The following MMEL1 variants were observed in gnomAD, a reference collection of about 807,000 sequenced individuals.
MMEL1 encodes the protein membrane metallo-endopeptidase-like 1.
In MMEL1, 98 loss-of-function variants were observed where a neutral mutation model predicts 117.1. That is an observed-to-expected ratio of 0.84 (90% confidence interval 0.71 to 0.99). The LOEUF is 0.99. Among genes scored for constraint, MMEL1 ranks in the 50% least tolerant of loss-of-function variants. MMEL1 has a pLI of 0.00. For missense variants in MMEL1, 1,014 were observed against 1,049.1 expected (o/e 0.97, Z 0.46); for synonymous variants, 390 against 415.1 (o/e 0.94, Z 0.74).
intron 6 of MMEL1, 120 bp downstream of exon 6, chr1:2,609,219 C>G: frequency 1.0e-6 from 1 of 966,784 alleles, no homozygotes; most frequent in South Asian, 1.5e-5. Flanking sequence ...GGCATGAGTC[C>G]TAAAGGCACC....
chr1:2,597,633 T>C (rs1418734347), intron 13 of MMEL1, among the ~76,000 whole-genome samples: 2 of 152,046 alleles, frequency 1.3e-5, no homozygotes, highest in African/African-American at 4.8e-5. Context: ...AGAATCCCCC[T>C]AGGGCCTCCC....
In MMEL1 at chr1:2,612,325, G is replaced by C; in HGVS notation, c.155-121C>G. 1 of 769,544 alleles carries C rather than the reference G, an allele frequency of 1.3e-6. No individual in the cohort carries two copies. The highest frequency in any genetic ancestry group is 1.6e-5 in the South Asian group (1 of 60,894). 47.7% of individuals were successfully genotyped at this position (769,544 alleles called of 1,614,324 possible). A position where few individuals can be genotyped will look rare whatever the true frequency, so the allele number is the denominator to read the frequency against. The stretch of plus-strand genomic sequence containing the variant: ...TGCTGGGTGCTGCAGCCCTACCCCT[G>C]TAGTGAGGGCTGGTCCCCAGGGCAG... On this transcript the variant is annotated intron_variant, in intron 2 of 23. Coordinates refer to ENST00000378412, the MANE Select transcript of MMEL1 (RefSeq NM_033467.4). The surrounding 1 kb of genome is among the most constrained non-coding windows in gnomAD (Gnocchi z 5.4).
At chr1:2,594,604 G>A (rs1301196467) in intron 17 of MMEL1, among the ~76,000 whole-genome samples, 161 bp from the exon 18 acceptor site, 3 of 152,180 alleles carry the variant, frequency 2.0e-5, no homozygotes, top group African/African-American at 7.2e-5. Context: ...AGGAGGAGGC[G>A]ACTTGGGCCC....
At chr1:2,621,821 C>T (rs1459126736) in intron 2 of MMEL1, among the ~76,000 whole-genome samples, 4 of 152,140 alleles carry the variant, frequency 2.6e-5, no homozygotes, top group Admixed American at 6.5e-5. Flanking sequence ...CTTGGCCTCC[C>T]GAAGTGCTGG....
rs1041032477 is a variant in MMEL1 at position 2,606,890 on chromosome 1, C to T, written c.631+84G>A. On this transcript the variant is annotated intron_variant, in intron 7 of 23. Transcript: ENST00000378412. ...CAGCTGGGGGTGGGGGTGGGGTCCC[C>T]TCCTGGAAGGCCTCAGACCGAAGGA... 4.6e-6 allele frequency: 6 copies of T among 1,303,026 alleles called. No homozygotes were observed. In the African/African-American group the frequency reaches 8.7e-5, roughly 19 times the overall value. 80.7% of individuals were successfully genotyped at this position (1,303,026 alleles called of 1,614,324 possible). A position where few individuals can be genotyped will look rare whatever the true frequency, so the allele number is the denominator to read the frequency against.
intron 2 of MMEL1, among the ~76,000 whole-genome samples, chr1:2,614,986 G>A (rs1023608566): frequency 3.9e-5 from 6 of 152,084 alleles, no homozygotes; most frequent in Non-Finnish European, 5.9e-5. Context: ...AATGGCCAGA[G>A]TTAGAACAAT....
At chr1:2,624,497 A>G (rs1645339177) in intron 2 of MMEL1, among the ~76,000 whole-genome samples, 1 of 152,246 alleles carries the variant, frequency 6.6e-6, no homozygotes, top group African/African-American at 2.4e-5. Context: ...CCATTTCAAA[A>G]AGACTCATAT....
chr1:2,600,862 A>G (rs558948469), intron 11 of MMEL1, among the ~76,000 whole-genome samples: 287 of 152,366 alleles, frequency 1.9e-3, no homozygotes, highest in Admixed American at 4.2e-3. Context: ...AAATGATTCT[A>G]TTTATAGTAG....
intron 11 of MMEL1, among the ~76,000 whole-genome samples, chr1:2,600,717 C>A: frequency 1.0e-5 from 1 of 95,280 alleles, no homozygotes; most frequent in South Asian, 3.0e-4. Context: ...AAACCCAACC[C>A]CCCTGTTTTT....
At chr1:2,605,648 T>C (rs1645011747) in intron 8 of MMEL1, 25 bp from the exon 9 acceptor site, 2 of 1,599,270 alleles carry the variant, frequency 1.3e-6, no homozygotes, top group Admixed American at 1.7e-5. Context: ...GGTGTGACCC[T>C]GGGCAAGGGG....
intron 11 of MMEL1, among the ~76,000 whole-genome samples, chr1:2,602,876 GCCCCCTTTCTGGCTTTCTGA>G (rs1420332158): frequency 0.015 from 2,345 of 152,268 alleles, 54 homozygotes; most frequent in African/African-American, 0.053. Context: ...AGCTCATCCT[GCCCCCTTTCTGGCTTTCTGA>G]CACGTTTTAG....
chr1:2,629,699 A>C, intron 1 of MMEL1, 178 bp from the exon 2 acceptor site: 2 of 523,498 alleles, frequency 3.8e-6, no homozygotes, highest in African/African-American at 2.0e-5. Flanking sequence ...TTTCCACACT[A>C]CCCCTGGGCC....
chr1:2,601,944 G>C (rs1644939014), intron 11 of MMEL1, among the ~76,000 whole-genome samples: 1 of 151,784 alleles, frequency 6.6e-6, no homozygotes, highest in South Asian at 2.1e-4. Context: ...GCACATCCCT[G>C]GATAATTCTG....
intron 8 of MMEL1, 71 bp downstream of exon 8, chr1:2,606,177 T>C (rs1645023422): frequency 6.4e-6 from 8 of 1,252,326 alleles, no homozygotes; most frequent in Middle Eastern, 1.9e-4. Flanking sequence ...CCCATCCTTC[T>C]GCTGTGCTGC....
rs979129349 is a variant in MMEL1, at chr1:2,609,046, C to T, written c.535+293G>A. ...CATATCCATATAATACACACACACA[C>T]ACACACACACACACACACACACACA... is the stretch of plus-strand genomic sequence containing the variant. On this transcript the variant is annotated intron_variant, in intron 6 of 23. Coordinates refer to ENST00000378412, the MANE Select transcript of MMEL1 (RefSeq NM_033467.4). 8.1e-5 allele frequency among the ~76,000 whole-genome samples: 4 copies of T among 49,368 alleles called. No individual in the cohort carries two copies. The Admixed American group carries it at 8.9e-4, about 11-fold the overall frequency. 32.4% of individuals were successfully genotyped at this position (49,368 alleles called of 152,430 possible).
chr1:2,630,715 CTGTG>C (rs568026757), intron 1 of MMEL1, among the ~76,000 whole-genome samples: 7 of 140,138 alleles, frequency 5.0e-5, no homozygotes, highest in South Asian at 2.3e-4. Flanking sequence ...ACGTGTGTGA[CTGTG>C]TGATTGTGCA....
At chr1:2,601,222 TG>T (rs1472774670) in intron 11 of MMEL1, among the ~76,000 whole-genome samples, 1 of 151,308 alleles carries the variant, frequency 6.6e-6, no homozygotes, top group Non-Finnish European at 1.5e-5. Context: ...GCTGAAGGAG[TG>T]ATGGTGGTAG....
chr1:2,595,709 C>G lies in MMEL1; in HGVS notation c.1500+300G>C, dbSNP rs1644825259. ...GTGGGTCTGACCCTTGCTCCCGAGGCCACCGCTACCCCCGCTGGCTCATGG... is the reference window on the plus strand; with the variant it reads ...GTGGGTCTGACCCTTGCTCCCGAGGGCACCGCTACCCCCGCTGGCTCATGG... On this transcript the variant is annotated intron_variant, in intron 15 of 23. Transcript: ENST00000378412. The surrounding 1 kb of genome is among the most constrained non-coding windows in gnomAD (Gnocchi z 4.8). Among the ~76,000 whole-genome samples the G allele has an allele frequency of 1.3e-5, 2 of 152,106 alleles. No homozygotes were observed. Among genetic ancestry groups the G allele is most frequent in the South Asian group, 4.1e-4 (2 of 4,830 alleles).
intron 2 of MMEL1, among the ~76,000 whole-genome samples, chr1:2,616,855 TC>T (rs1645209480): frequency 6.6e-6 from 1 of 152,190 alleles, no homozygotes; most frequent in Non-Finnish European, 1.5e-5. Context: ...CCCACGGCAT[TC>T]CCAACATAGG....
Sources: allele counts gnomAD v4.1 joint callset (sites outside exome capture counted in the v4.1 genomes callset), GRCh38; gene constraint gnomAD v4.1.1; non-coding constraint Gnocchi (gnomAD v3.1); transcripts MANE v1.5; gene names NCBI Gene and HGNC (gene_info 2026-07-23, HGNC 2026-07-21).